CCSER1: variants seen among roughly 807,000 people sequenced by gnomAD.
The protein encoded by CCSER1 is serine-rich coiled-coil domain-containing protein 1.
A neutral mutation model predicts 82.0 loss-of-function variants in CCSER1; 41 were observed. The observed-to-expected ratio is 0.50, with a 90% confidence interval of 0.39 to 0.65. The LOEUF is 0.65. Ranked by LOEUF, CCSER1 falls within the 30% of genes least tolerant of loss-of-function variation. The pLI is 0.00. For missense variants in CCSER1, 1,119 were observed against 1,064.2 expected (o/e 1.05, Z -0.72); for synonymous variants, 414 against 383.9 (o/e 1.08, Z -0.92).
At chr4:90,549,539 C>T (rs1777197268) in intron 5 of CCSER1, among the ~76,000 whole-genome samples, 1 of 151,976 alleles carries the variant, frequency 6.6e-6, no homozygotes, top group African/African-American at 2.4e-5. Context: ...GAAGCAGTGG[C>T]AGATGAAGGG....
At chr4:91,325,322 G>C in intron 10 of CCSER1, 1 of 370,812 alleles carries the variant, frequency 2.7e-6, no homozygotes, top group Non-Finnish European at 5.2e-6. Flanking sequence ...CTTGGAAAAT[G>C]AAGCCATTTG....
intron 5 of CCSER1, among the ~76,000 whole-genome samples, chr4:90,478,244 A>C (rs1438370473): frequency 2.0e-5 from 3 of 152,198 alleles, no homozygotes; most frequent in Admixed American, 6.5e-5. Context: ...GAAAAATCAA[A>C]GTACTTGTAG....
chr4:91,111,186 G>A (rs1427424069), intron 10 of CCSER1, among the ~76,000 whole-genome samples: 1 of 151,840 alleles, frequency 6.6e-6, no homozygotes, highest in Non-Finnish European at 1.5e-5. Context: ...AAACTCAGCT[G>A]GTTAAATTAC....
intron 10 of CCSER1, among the ~76,000 whole-genome samples, chr4:91,244,480 G>A (rs1739611742): frequency 6.6e-6 from 1 of 152,200 alleles, no homozygotes; most frequent in African/African-American, 2.4e-5. Flanking sequence ...AGTGCAGAGA[G>A]AGAAAGTCTC....
intron 9 of CCSER1, among the ~76,000 whole-genome samples, chr4:91,025,938 G>C (rs957538762): frequency 6.6e-6 from 1 of 152,088 alleles, no homozygotes; most frequent in African/African-American, 2.4e-5. Flanking sequence ...GATTGGGCTA[G>C]ATGAAGAGGG....
In CCSER1 at chr4:91,260,812, G is replaced by A. The variant is rs534555819; in HGVS notation, c.2217+174818G>A. On this transcript the variant is annotated intron_variant, in intron 10 of 10. Coordinates refer to ENST00000509176, the MANE Select transcript of CCSER1 (RefSeq NM_001145065.2). The stretch of plus-strand genomic sequence containing the variant: ...GTCTCACTCAGTCGCCCAGGCTAGC[G>A]TGCAATGGCGCGATCTCGGCTCACT... 2.0e-4 allele frequency among the ~76,000 whole-genome samples: 30 copies of A among 151,868 alleles called. No homozygotes were observed. In the East Asian group the frequency reaches 5.2e-3, roughly 26 times the overall value.
At chr4:90,489,654 A>G (rs1273718636) in intron 5 of CCSER1, among the ~76,000 whole-genome samples, 2 of 152,088 alleles carry the variant, frequency 1.3e-5, no homozygotes, top group Admixed American at 1.3e-4. Context: ...ATATTTCCTA[A>G]CGATATCCAT....
At chr4:90,154,264 C>G (rs1388317216) in intron 1 of CCSER1, among the ~76,000 whole-genome samples, 12 of 152,280 alleles carry the variant, frequency 7.9e-5, no homozygotes, top group African/African-American at 2.9e-4. Context: ...CAGTACCATG[C>G]TGTTTTGGTT....
At chr4:90,695,072 A>G (rs1047872711) in intron 6 of CCSER1, among the ~76,000 whole-genome samples, 9 of 148,468 alleles carry the variant, frequency 6.1e-5, no homozygotes, top group Non-Finnish European at 1.3e-4. Flanking sequence ...ATTTATATAT[A>G]TATGTATATA....
chr4:90,517,456 G>C (rs748813838), intron 5 of CCSER1, among the ~76,000 whole-genome samples: 1 of 152,182 alleles, frequency 6.6e-6, no homozygotes, highest in African/African-American at 2.4e-5. Context: ...TAAGTAGATA[G>C]GTGTTGGTGC....
chr4:91,081,835 A>G (rs1255156172), intron 9 of CCSER1, among the ~76,000 whole-genome samples: 1 of 152,176 alleles, frequency 6.6e-6, no homozygotes, highest in Non-Finnish European at 1.5e-5. Context: ...AGAATAAAAT[A>G]CCTAGGAATC....
intron 7 of CCSER1, among the ~76,000 whole-genome samples, chr4:90,736,819 G>A (rs1745728657): frequency 6.6e-6 from 1 of 151,664 alleles, no homozygotes; most frequent in Non-Finnish European, 1.5e-5. Flanking sequence ...TTCTCTGGTG[G>A]TATGTTCTGA....
At chr4:90,437,256 C>T (rs1408144488) in intron 4 of CCSER1, among the ~76,000 whole-genome samples, 1 of 151,276 alleles carries the variant, frequency 6.6e-6, no homozygotes, top group Non-Finnish European at 1.5e-5. Flanking sequence ...CACACATACG[C>T]ACACATGCAC....
chr4:90,686,800 T>A (rs1309606258), intron 6 of CCSER1, among the ~76,000 whole-genome samples: 1 of 152,184 alleles, frequency 6.6e-6, no homozygotes, highest in Non-Finnish European at 1.5e-5. Context: ...GCAAATTGTC[T>A]TTATCCTTGC....
chr4:91,429,876 A>G (rs1754194315), intron 10 of CCSER1, among the ~76,000 whole-genome samples: 1 of 151,922 alleles, frequency 6.6e-6, no homozygotes, highest in African/African-American at 2.4e-5. Context: ...AGTATATTCT[A>G]TACTAGAAAA....
intron 1 of CCSER1, among the ~76,000 whole-genome samples, chr4:90,224,014 A>G (rs533782281): frequency 2.0e-4 from 31 of 152,300 alleles, no homozygotes; most frequent in African/African-American, 7.5e-4. Flanking sequence ...AGCTTATGAG[A>G]TTGGGAAGTT....
At chr4:91,077,434 G>T (rs182957843) in intron 9 of CCSER1, among the ~76,000 whole-genome samples, 1 of 152,178 alleles carries the variant, frequency 6.6e-6, no homozygotes, top group Non-Finnish European at 1.5e-5. Context: ...AGAAAAAATA[G>T]TAAAATGTGA....
In CCSER1 at chr4:91,003,573, C is replaced by A. The variant is rs1202652429; in HGVS notation, c.2172+80126C>A. 2.6e-5 allele frequency among the ~76,000 whole-genome samples: 4 copies of A among 152,160 alleles called. No individual in the cohort carries two copies. In the East Asian group the frequency reaches 5.8e-4, roughly 22 times the overall value. On this transcript the variant is annotated intron_variant, in intron 9 of 10. Transcript: ENST00000509176. ...AAAAGTCTCACTCCCACTGTGCCCC[C>A]TCCAACAGAACCGAGTCTGTTTCCA...
chr4:90,782,292 C>G (rs1047912891), intron 7 of CCSER1, among the ~76,000 whole-genome samples: 2 of 152,110 alleles, frequency 1.3e-5, no homozygotes, highest in African/African-American at 4.8e-5. Context: ...AAATTTCAGC[C>G]TAATTAGAAG....
Sources: allele counts gnomAD v4.1 joint callset (sites outside exome capture counted in the v4.1 genomes callset), GRCh38; gene constraint gnomAD v4.1.1; transcripts MANE v1.5; gene names NCBI Gene and HGNC (gene_info 2026-07-23, HGNC 2026-07-21).